Variants in ZNF385D observed in about 807,000 individuals in gnomAD.
ZNF385D encodes the protein zinc finger protein 659.
A neutral mutation model predicts 35.8 loss-of-function variants in ZNF385D; 15 were observed. That is an observed-to-expected ratio of 0.42 (90% confidence interval 0.28 to 0.64). ZNF385D has a LOEUF of 0.64. Among genes scored for constraint, ZNF385D ranks in the 30% least tolerant of loss-of-function variants. ZNF385D has a pLI of 0.23. For synonymous variants in ZNF385D, 212 were observed against 186.8 expected (o/e 1.13, Z -1.10); for missense variants, 474 against 494.6 (o/e 0.96, Z 0.39).
rs138797674 is a variant in ZNF385D, at chr3:21,660,095, A to ATCTCTCTCTCTCTCTCTG, written c.165+4790_165+4791insCAGAGAGAGAGAGAGAGA. Among the ~76,000 whole-genome samples the ATCTCTCTCTCTCTCTCTG allele has an allele frequency of 4.8e-4, 72 of 150,272 alleles. 2 individuals are homozygous for ATCTCTCTCTCTCTCTCTG. The East Asian group carries it at 0.012, about 26-fold the overall frequency. On this transcript the variant is annotated intron_variant, in intron 2 of 7. Coordinates refer to ENST00000281523, the MANE Select transcript of ZNF385D (RefSeq NM_024697.3). Reference sequence around the variant, plus strand: ...ACTAGGAGTCAGCTGCTAGGACTTGATCTCTCTCTCTCTCTGTCTCTCTCT... The same window carrying ATCTCTCTCTCTCTCTCTG: ...ACTAGGAGTCAGCTGCTAGGACTTGATCTCTCTCTCTCTCTCTGTCTCTCTCTCTCTCTGTCTCTCTCT...
chr3:21,924,191 C>A (rs111267729), intron 3 of ZNF385D, among the ~76,000 whole-genome samples: 1 of 152,122 alleles, frequency 6.6e-6, no homozygotes, highest in Non-Finnish European at 1.5e-5. Context: ...TTCCCTATTT[C>A]TACCACTAAA....
intron 3 of ZNF385D, among the ~76,000 whole-genome samples, chr3:21,953,272 T>C (rs1055596863): frequency 6.6e-5 from 10 of 151,982 alleles, no homozygotes; most frequent in Admixed American, 5.3e-4. Flanking sequence ...CTTTTTTTTT[T>C]TTCCTCTAAA....
intron 2 of ZNF385D, among the ~76,000 whole-genome samples, chr3:22,306,845 A>G (rs1315482216): frequency 6.6e-6 from 1 of 152,180 alleles, no homozygotes; most frequent in Non-Finnish European, 1.5e-5. Flanking sequence ...GATAAATGTT[A>G]GATATTATAT....
At chr3:21,860,144 T>C (rs939959532) in intron 3 of ZNF385D, among the ~76,000 whole-genome samples, 5 of 152,094 alleles carry the variant, frequency 3.3e-5, no homozygotes, top group Non-Finnish European at 5.9e-5. Flanking sequence ...TATATTCTTT[T>C]ATGCAAAAAA....
At chr3:21,698,642 GA>G (rs61178550) in intron 1 of ZNF385D, among the ~76,000 whole-genome samples, 45,314 of 150,662 alleles carry the variant, frequency 0.3, 7,251 homozygotes, top group East Asian at 0.44. Flanking sequence ...GAATTTCCAA[GA>G]AAAAAAACAA....
At chr3:22,023,179 G>A (rs1463309717) in intron 3 of ZNF385D, among the ~76,000 whole-genome samples, 1 of 152,128 alleles carries the variant, frequency 6.6e-6, no homozygotes, top group African/African-American at 2.4e-5. Flanking sequence ...AGTAATGATG[G>A]TAGAAGGAGC....
intron 2 of ZNF385D, among the ~76,000 whole-genome samples, chr3:22,354,827 T>C (rs1038351639): frequency 6.6e-6 from 1 of 152,052 alleles, no homozygotes; most frequent in African/African-American, 2.4e-5. Context: ...TAATATGGTG[T>C]TGCGGTTATT....
chr3:21,498,895 A>T (rs915849933), intron 4 of ZNF385D, among the ~76,000 whole-genome samples: 2 of 144,720 alleles, frequency 1.4e-5, no homozygotes, highest in African/African-American at 5.1e-5. Flanking sequence ...GTGAGCTGAG[A>T]TCGATCGCAC....
chr3:21,580,140 T>G (rs2063611270), intron 2 of ZNF385D, among the ~76,000 whole-genome samples: 2 of 152,158 alleles, frequency 1.3e-5, no homozygotes. Flanking sequence ...TACAATTAGT[T>G]TTTCCTGTCT....
At position 22,249,252 on chromosome 3, in the gene ZNF385D, T is replaced by C. The variant is rs143657927; in HGVS notation, c.107-80217A>G. ...CTAAGTTTTGGGAAGGATTTTTACA[T>C]TGCAATACACAACCAGAATCCCCCC... On this transcript the variant is annotated intron_variant, in intron 2 of 5. Transcript: ENST00000494108. Among the ~76,000 whole-genome samples, 16 of 152,248 alleles carry C rather than the reference T, an allele frequency of 1.1e-4. No homozygotes were observed. In the East Asian group the frequency reaches 2.3e-3, roughly 22 times the overall value.
chr3:21,470,356 A>T (rs1354470171), intron 4 of ZNF385D, among the ~76,000 whole-genome samples: 3 of 152,126 alleles, frequency 2.0e-5, no homozygotes, highest in African/African-American at 7.2e-5. Flanking sequence ...ATTCACTAGC[A>T]TTGTTCTAAA....
At chr3:21,661,224 G>A (rs2066229980) in intron 2 of ZNF385D, among the ~76,000 whole-genome samples, 1 of 152,090 alleles carries the variant, frequency 6.6e-6, no homozygotes, top group Admixed American at 6.6e-5. Flanking sequence ...GGAATAGTTT[G>A]TATTTTTTTC....
intron 2 of ZNF385D, among the ~76,000 whole-genome samples, chr3:21,634,075 T>TA (rs1369638879): frequency 3.3e-5 from 5 of 152,060 alleles, no homozygotes; most frequent in Non-Finnish European, 7.4e-5. Context: ...CACACACCTC[T>TA]AGTCCCAGCT....
At chr3:22,344,451 G>A (rs1190332605) in intron 2 of ZNF385D, among the ~76,000 whole-genome samples, 1 of 152,132 alleles carries the variant, frequency 6.6e-6, no homozygotes, top group Non-Finnish European at 1.5e-5. Flanking sequence ...GTGCAGTGAT[G>A]TGATCACAGC....
chr3:22,186,161 G>C (rs778970681), intron 2 of ZNF385D, among the ~76,000 whole-genome samples: 76 of 152,192 alleles, frequency 5.0e-4, no homozygotes, highest in Admixed American at 4.9e-3. Context: ...TAGAAAGTGA[G>C]GTTTTTCTTT....
intron 3 of ZNF385D, among the ~76,000 whole-genome samples, chr3:22,119,215 T>C (rs73047008): frequency 0.17 from 25,377 of 152,042 alleles, 2,723 homozygotes; most frequent in Middle Eastern, 0.26. Flanking sequence ...ATAGAAAAAA[T>C]ACCTTGTCAG....
intron 1 of ZNF385D, among the ~76,000 whole-genome samples, chr3:21,721,184 G>C (rs952526211): frequency 6.6e-6 from 1 of 151,992 alleles, no homozygotes; most frequent in Non-Finnish European, 1.5e-5. Flanking sequence ...TTGTCTATGA[G>C]TCCCCTAAAA....
intron 3 of ZNF385D, among the ~76,000 whole-genome samples, chr3:22,136,321 G>A (rs1013762656): frequency 6.6e-6 from 1 of 152,168 alleles, no homozygotes; most frequent in Middle Eastern, 3.4e-3. Flanking sequence ...CTGGGAGGCA[G>A]AGGTTGCACT....
At position 22,370,651 on chromosome 3, in the gene ZNF385D, A is replaced by T. The variant is rs116839295; in HGVS notation, c.106+1799T>A. Among the ~76,000 whole-genome samples, 1,439 of 152,254 alleles carry T rather than the reference A, an allele frequency of 9.5e-3. 27 individuals carry two copies. The highest frequency in any genetic ancestry group is 0.037 in the Middle Eastern group (11 of 294). ...TAACAACCGACTTTGGAGTTCTGCAATCTTGGATTACAAAACACTAACTGT... is the reference window on the plus strand; with the variant it reads ...TAACAACCGACTTTGGAGTTCTGCATTCTTGGATTACAAAACACTAACTGT... On this transcript the variant is annotated intron_variant, in intron 2 of 5. Transcript: ENST00000494108.
Sources: gnomAD v4.1 joint callset for allele counts (sites outside exome capture counted in the v4.1 genomes callset) on GRCh38, gnomAD v4.1.1 for gene constraint, MANE v1.5 for transcripts, NCBI Gene and HGNC (gene_info 2026-07-23, HGNC 2026-07-21) for gene names.